Variants in CPNE4 observed in about 807,000 individuals in gnomAD.
The protein encoded by CPNE4 is copine-4.
Under a neutral mutation model 67.9 loss-of-function variants are expected in CPNE4, and 25 were observed. The observed-to-expected ratio is 0.37, with a 90% CI of 0.27 to 0.51. CPNE4 has a LOEUF of 0.51. CPNE4 is among the 20% of genes least tolerant of loss of function. The probability of loss-of-function intolerance (pLI) is 0.93; values close to 1 mark genes in which losing one functional copy is unlikely to be tolerated. For synonymous variants in CPNE4, 242 were observed against 244.9 expected, an observed-to-expected ratio of 0.99 and a Z score of 0.11; for missense variants, 464 against 690.8, an observed-to-expected ratio of 0.67 and a Z score of 3.68.
At chr3:132,008,753 T>G (rs146199431) in intron 1 of CPNE4, among the ~76,000 whole-genome samples, 26 of 151,364 alleles carry the variant, frequency 1.7e-4, no homozygotes, top group African/African-American at 5.1e-4. Context: ...AAAACTTATG[T>G]TTTTTTTTCT....
chr3:131,801,418 G>A (rs1423544374), intron 2 of CPNE4, among the ~76,000 whole-genome samples: 1 of 45,180 alleles, frequency 2.2e-5, no homozygotes, highest in African/African-American at 8.5e-5. Flanking sequence ...ATATATACGT[G>A]TGTGTGTGTG....
chr3:131,860,957 C>A (rs115513584), intron 2 of CPNE4, among the ~76,000 whole-genome samples: 4,826 of 152,232 alleles, frequency 0.032, 253 homozygotes, highest in African/African-American at 0.11. Flanking sequence ...AAGCAGTATC[C>A]CATGTCTAGT....
chr3:131,609,913 T>C lies in CPNE4; in HGVS notation c.682-22331A>G, dbSNP rs1239089140. On this transcript the variant is annotated intron_variant, in intron 7 of 15. Transcript: ENST00000429747. Reference sequence around the variant, plus strand: ...TGATATAAGAGCCCCTACTGGACTGTTACAAATGAACTCTTGGGCTGCATG... The same window carrying C: ...TGATATAAGAGCCCCTACTGGACTGCTACAAATGAACTCTTGGGCTGCATG... 3.9e-5 allele frequency among the ~76,000 whole-genome samples: 6 copies of C among 152,164 alleles called. No homozygotes were observed. The East Asian group carries it at 9.6e-4, about 24-fold the overall frequency.
At chr3:131,736,916 T>A (rs192821589) in intron 2 of CPNE4, among the ~76,000 whole-genome samples, 1 of 152,108 alleles carries the variant, frequency 6.6e-6, no homozygotes, top group Non-Finnish European at 1.5e-5. Flanking sequence ...AGAAAATTAA[T>A]CTCAACAGAT....
intron 2 of CPNE4, among the ~76,000 whole-genome samples, chr3:131,879,718 A>G (rs945913872): frequency 1.3e-5 from 2 of 152,208 alleles, no homozygotes; most frequent in Non-Finnish European, 2.9e-5. Context: ...AGCTCTAGCC[A>G]AGAAGATGAT....
chr3:132,025,643 T>G (rs1412201569), intron 1 of CPNE4, among the ~76,000 whole-genome samples: 2 of 152,220 alleles, frequency 1.3e-5, no homozygotes, highest in African/African-American at 4.8e-5. Flanking sequence ...AGCCTCTAGT[T>G]TGTGAGAGAT....
At chr3:131,641,792 G>A (rs539373861) in intron 7 of CPNE4, among the ~76,000 whole-genome samples, 2 of 152,134 alleles carry the variant, frequency 1.3e-5, no homozygotes, top group South Asian at 2.1e-4. Context: ...GATAAATTGT[G>A]GTATTTATAT....
chr3:131,885,881 G>T (rs1239802837), intron 2 of CPNE4, among the ~76,000 whole-genome samples: 1 of 152,168 alleles, frequency 6.6e-6, no homozygotes, highest in East Asian at 1.9e-4. Flanking sequence ...TGACGTAGGT[G>T]CTATTAATTC....
At chr3:131,791,524 AG>A (rs906272667) in intron 2 of CPNE4, among the ~76,000 whole-genome samples, 1 of 152,178 alleles carries the variant, frequency 6.6e-6, no homozygotes, top group African/African-American at 2.4e-5. Context: ...AGCACTTGGA[AG>A]GTTTCAGTAA....
At chr3:132,001,260 C>A (rs901641578) in intron 1 of CPNE4, among the ~76,000 whole-genome samples, 1 of 151,826 alleles carries the variant, frequency 6.6e-6, no homozygotes, top group African/African-American at 2.4e-5. Flanking sequence ...TTACTTTATT[C>A]GAACAGATGA....
intron 2 of CPNE4, among the ~76,000 whole-genome samples, chr3:131,790,210 T>C (rs529197037): frequency 4.5e-4 from 68 of 152,296 alleles, no homozygotes; most frequent in African/African-American, 1.4e-3. Flanking sequence ...ATGGGACTTA[T>C]ATACTTCTCC....
intron 2 of CPNE4, among the ~76,000 whole-genome samples, chr3:131,808,250 AAATT>A: frequency 6.6e-6 from 1 of 152,234 alleles, no homozygotes; most frequent in East Asian, 1.9e-4. Context: ...GTTAAGAGAC[AAATT>A]AATTAACAGA....
At position 131,657,062 on chromosome 3, in the gene CPNE4, A is replaced by G. The variant is rs1029998155; in HGVS notation, c.681+12613T>C. 9.8e-5 allele frequency among the ~76,000 whole-genome samples: 15 copies of G among 152,324 alleles called. 1 individual carries two copies. Among genetic ancestry groups the G allele is most frequent in the Admixed American group, 6.5e-4 (10 of 15,302 alleles). ...TACTTAATCATTATTTAACAGGCCC[A>G]TCCAAGGATGATATATTTTCCTATA... On this transcript the variant is annotated intron_variant, in intron 7 of 15. Coordinates refer to ENST00000429747, the MANE Select transcript of CPNE4 (RefSeq NM_130808.3).
intron 2 of CPNE4, among the ~76,000 whole-genome samples, chr3:131,785,495 G>C (rs1164414240): frequency 6.6e-6 from 1 of 151,934 alleles, no homozygotes; most frequent in Non-Finnish European, 1.5e-5. Flanking sequence ...CCAATCTCCA[G>C]AGCTGCTATT....
At chr3:131,806,497 C>T (rs2084315760) in intron 2 of CPNE4, among the ~76,000 whole-genome samples, 2 of 149,124 alleles carry the variant, frequency 1.3e-5, no homozygotes, top group South Asian at 2.1e-4. Flanking sequence ...TTGCAGTGAG[C>T]CGAGATTGTG....
intron 1 of CPNE4, among the ~76,000 whole-genome samples, chr3:132,008,697 C>G (rs1280983478): frequency 1.3e-5 from 2 of 152,038 alleles, no homozygotes; most frequent in African/African-American, 4.8e-5. Flanking sequence ...AAGAAGAGCT[C>G]CCTAAACTTC....
intron 5 of CPNE4, among the ~76,000 whole-genome samples, chr3:131,687,524 G>A (rs2080922080): frequency 6.6e-6 from 1 of 152,128 alleles, no homozygotes; most frequent in African/African-American, 2.4e-5. Flanking sequence ...CTAGACTTTA[G>A]CAAAGTAGAA....
chr3:132,008,654 G>A (rs528643750), intron 1 of CPNE4, among the ~76,000 whole-genome samples: 69 of 152,158 alleles, frequency 4.5e-4, no homozygotes, highest in Non-Finnish European at 7.1e-4. Context: ...TCAGCTATGG[G>A]TTCAGTCAGA....
In CPNE4 at chr3:131,781,293, T is replaced by C. The variant is rs80176705; in HGVS notation, c.181-57668A>G. Among the ~76,000 whole-genome samples, 1,071 of 152,166 alleles carry C rather than the reference T, an allele frequency of 7.0e-3. 16 individuals are homozygous for C. Among genetic ancestry groups the C allele is most frequent in the African/African-American group, 0.025 (1,019 of 41,538 alleles). On this transcript the variant is annotated intron_variant, in intron 2 of 15. Coordinates refer to ENST00000429747, the MANE Select transcript of CPNE4 (RefSeq NM_130808.3). ...GAACCAGGCAGTTTTCAGGAATAAA[T>C]ATACTAAAAGAGCAGAAAACCTGTT...
Sources: gnomAD v4.1 joint callset for allele counts (sites outside exome capture counted in the v4.1 genomes callset) on GRCh38, gnomAD v4.1.1 for gene constraint, MANE v1.5 for transcripts, NCBI Gene and HGNC (gene_info 2026-07-23, HGNC 2026-07-21) for gene names.